The following HLA-DPB1 variants were observed in gnomAD, a reference collection of about 807,000 sequenced individuals.
HLA-DPB1 encodes major histocompatibility complex, class II, DP beta 1.
A neutral mutation model predicts 29.4 loss-of-function variants in HLA-DPB1; 30 were observed. The observed-to-expected ratio is 1.02, with a 90% CI of 0.76 to 1.38. HLA-DPB1 has a LOEUF of 1.38. HLA-DPB1 is among the 40% of genes most tolerant of loss of function. The probability of loss-of-function intolerance (pLI) is 0.00; values close to 1 mark genes in which losing one functional copy is unlikely to be tolerated. For missense variants in HLA-DPB1, 261 were observed against 327.5 expected (o/e 0.80, Z 1.57); for synonymous variants, 114 against 134.0 (o/e 0.85, Z 1.03).
intron 1 of HLA-DPB1, among the ~76,000 whole-genome samples, chr6:33,077,043 A>G (rs1006217139): frequency 2.0e-5 from 3 of 150,152 alleles, no homozygotes; most frequent in African/African-American, 7.3e-5. Context: ...TACATTAGGT[A>G]TATTTCCTAA....
At chr6:33,079,777 A>G in intron 1 of HLA-DPB1, 1 of 486,842 alleles carries the variant, frequency 2.1e-6, no homozygotes, top group Non-Finnish European at 4.1e-6. Flanking sequence ...CCAGAACTGC[A>G]AAGTCATCAT....
chr6:33,085,459 C>G (rs948601779), intron 3 of HLA-DPB1, among the ~76,000 whole-genome samples: 1 of 152,176 alleles, frequency 6.6e-6, no homozygotes, highest in African/African-American at 2.4e-5. Flanking sequence ...GTCAGAGAAT[C>G]TAGGGACACT....
At chr6:33,085,618 C>T (rs1763060890) in intron 3 of HLA-DPB1, among the ~76,000 whole-genome samples, 161 bp from the exon 4 acceptor site, 1 of 152,162 alleles carries the variant, frequency 6.6e-6, no homozygotes, top group African/African-American at 2.4e-5. Context: ...ACCCCTGTTC[C>T]AGATATGAGG....
intron 2 of HLA-DPB1, 72 bp downstream of exon 2, chr6:33,081,007 G>A (rs1562149906): frequency 2.3e-5 from 33 of 1,462,308 alleles, no homozygotes; most frequent in Non-Finnish European, 2.9e-5. Flanking sequence ...AGGAGCAGCC[G>A]GGTTGGCCTA....
Position 33,088,471 on chromosome 6 carries a change from A to G in HLA-DPB1, c.*1937A>G, listed in dbSNP as rs1763212016. ...AGGGAACTGAGGGTGTCAGGAGATGAGGAATGTCCCTGGAGTCACAGAAAG... is the reference window on the plus strand; with the variant it reads ...AGGGAACTGAGGGTGTCAGGAGATGGGGAATGTCCCTGGAGTCACAGAAAG... On this transcript the variant is annotated 3_prime_UTR_variant, in exon 6 of 6. Coordinates refer to ENST00000418931, the MANE Select transcript of HLA-DPB1 (RefSeq NM_002121.6). 6.6e-6 allele frequency among the ~76,000 whole-genome samples: 1 copy of G among 152,152 alleles called. No homozygotes were observed. Among genetic ancestry groups the G allele is most frequent in the Non-Finnish European group, 1.5e-5 (1 of 68,026 alleles).
chr6:33,082,188 G>A (rs73402069), intron 2 of HLA-DPB1: 18,526 of 152,124 alleles, frequency 0.12, 2,172 homozygotes, highest in African/African-American at 0.31. Context: ...GTTGAGAGAG[G>A]TGTTCAAATA....
chr6:33,085,822 TG>T lies in HLA-DPB1; in HGVS notation c.695del (p.Gly232AlafsTer32). 2 of 1,614,048 alleles carry T rather than the reference TG, an allele frequency of 1.2e-6. No individual in the cohort carries two copies. Among genetic ancestry groups the T allele is most frequent in the African/African-American group, 2.7e-5 (2 of 75,010 alleles). On this transcript the variant is annotated frameshift_variant, in exon 4 of 6. Coordinates refer to ENST00000418931, the MANE Select transcript of HLA-DPB1 (RefSeq NM_002121.6). LOFTEE classifies it high-confidence loss of function. Reference protein sequence around the residue: ...SARSKTLTGAGGFVLGLIICG... With the variant: ...SARSKTLTGAXGFVLGLIICG... ...CCCGGAGTAAGACATTGACGGGAGCTGGGGGCTTCGTGCTGGGGCTCATCAT... is the reference window on the plus strand; with the variant it reads ...CCCGGAGTAAGACATTGACGGGAGCTGGGGCTTCGTGCTGGGGCTCATCAT...
In HLA-DPB1 at chr6:33,087,770, G is replaced by A. The variant is rs1442895912; in HGVS notation, c.*1236G>A. On this transcript the variant is annotated 3_prime_UTR_variant, in exon 6 of 6. Transcript: ENST00000418931. ...GAGGTGGGGCTGAAGGCACAGACTT[G>A]GGCGTCACTGGCACAGATATAAGTA... Among the ~76,000 whole-genome samples, 4 of 152,174 alleles carry A rather than the reference G, an allele frequency of 2.6e-5. No homozygotes were observed. The highest frequency in any genetic ancestry group is 2.6e-4 in the Admixed American group (4 of 15,284).
chr6:33,081,097 G>A (rs1217901405), intron 2 of HLA-DPB1, 162 bp downstream of exon 2: 1 of 809,874 alleles, frequency 1.2e-6, no homozygotes, highest in Non-Finnish European at 1.9e-6. Flanking sequence ...TGTCAGGGGA[G>A]CGAGCGCGGG....
chr6:33,080,584 G>T lies in HLA-DPB1; in HGVS notation c.101-88G>T. On this transcript the variant is annotated intron_variant, in intron 1 of 5. Coordinates refer to ENST00000418931, the MANE Select transcript of HLA-DPB1 (RefSeq NM_002121.6). The surrounding 1 kb of genome is among the most constrained non-coding windows in gnomAD (Gnocchi z 4.3). ...AATCCAGCCCTGGGTGGGAAGATTTGGGAAGAATCGTTAATATTGAGAGAG... is the reference window on the plus strand; with the variant it reads ...AATCCAGCCCTGGGTGGGAAGATTTTGGAAGAATCGTTAATATTGAGAGAG... The T allele has an allele frequency of 6.3e-7, 1 of 1,581,214 alleles. No homozygotes were observed. The highest frequency in any genetic ancestry group is 8.7e-7 in the Non-Finnish European group (1 of 1,153,048).
Position 33,084,850 on chromosome 6 carries a change from AAGGAAGGAAGG to A in HLA-DPB1, c.365-98_365-88del, listed in dbSNP as rs1198300104. The A allele has an allele frequency of 1.6e-4, 39 of 249,192 alleles. 11 individuals carry two copies. In the African/African-American group the frequency reaches 3.3e-3, roughly 21 times the overall value. 15.4% of individuals were successfully genotyped at this position (249,192 alleles called of 1,614,324 possible). ...AAGAGCGAGATTATGTCTCAAAAAA[AAGGAAGGAAGG>A]AAGGAAGGAAGGAAGGAAGGAAGGA... On this transcript the variant is annotated intron_variant, in intron 2 of 5. Coordinates refer to ENST00000418931, the MANE Select transcript of HLA-DPB1 (RefSeq NM_002121.6).
chr6:33,081,683 T>C (rs1762874281), intron 2 of HLA-DPB1, among the ~76,000 whole-genome samples: 1 of 151,888 alleles, frequency 6.6e-6, no homozygotes, highest in African/African-American at 2.4e-5. Flanking sequence ...CGGCAGGAGC[T>C]GGAATGGGAG....
At chr6:33,085,978 G>A (rs1763079904) in intron 4 of HLA-DPB1, 89 bp downstream of exon 4, 2 of 927,542 alleles carry the variant, frequency 2.2e-6, no homozygotes, top group Non-Finnish European at 3.3e-6. Flanking sequence ...GAAAAGAAAT[G>A]TCAGAAAGCT....
rs1350763771 is a variant in HLA-DPB1 at position 33,086,582 on chromosome 6, C to G, written c.*48C>G. On this transcript the variant is annotated 3_prime_UTR_variant, in exon 6 of 6. Transcript: ENST00000418931. ...AAAGACTATTGTGCCTTAGGAAAAG[C>G]ATTTGCTGTGTTTCGTTAGCATCTG... is the stretch of plus-strand genomic sequence containing the variant. 3.4e-6 allele frequency: 2 copies of G among 580,078 alleles called. No individual in the cohort carries two copies. The highest frequency in any genetic ancestry group is 6.6e-6 in the Non-Finnish European group (2 of 304,750). The allele number at this position is 580,078 out of a possible 1,614,324, so 35.9% of individuals were successfully genotyped here.
Position 33,085,814 on chromosome 6 carries a change from A to G in HLA-DPB1, c.682A>G (p.Thr228Ala). The G allele has an allele frequency of 6.2e-7, 1 of 1,614,018 alleles. No homozygotes were observed. Among genetic ancestry groups the G allele is most frequent in the South Asian group, 1.1e-5 (1 of 91,064 alleles). The change falls in exon 4 of 6, where the codon ACG (threonine) becomes GCG (alanine). Residue 228 changes from threonine to alanine, a missense_variant. Coordinates refer to ENST00000418931, the MANE Select transcript of HLA-DPB1 (RefSeq NM_002121.6). ...TGATTCTGCCCGGAGTAAGACATTG[A>G]CGGGAGCTGGGGGCTTCGTGCTGGG... is the stretch of plus-strand genomic sequence containing the variant. ...QSDSARSKTL[T>A]GAGGFVLGLI... is the part of the protein sequence containing the mutation.
rs1023597820 is a variant in HLA-DPB1 at position 33,080,490 on chromosome 6, C to T, written c.101-182C>T. The T allele has an allele frequency of 3.7e-6, 3 of 820,858 alleles. No individual in the cohort carries two copies. The East Asian group carries it at 8.0e-5, about 22-fold the overall frequency. 50.8% of individuals were successfully genotyped at this position (820,858 alleles called of 1,614,324 possible). Reference sequence around the variant, plus strand: ...ATTCTCTCTCTGCGTGGTGAGAAAACAGGCCTGGAGAGGCTCTGCGACCCG... The same window carrying T: ...ATTCTCTCTCTGCGTGGTGAGAAAATAGGCCTGGAGAGGCTCTGCGACCCG... On this transcript the variant is annotated intron_variant, in intron 1 of 5. Transcript: ENST00000418931. The surrounding 1 kb of genome is among the most constrained non-coding windows in gnomAD (Gnocchi z 4.3).
At chr6:33,085,662 T>C in intron 3 of HLA-DPB1, 117 bp from the exon 4 acceptor site, 1 of 757,024 alleles carries the variant, frequency 1.3e-6, no homozygotes, top group South Asian at 1.5e-5. Flanking sequence ...TAGCAAGCTT[T>C]TTCCGCTGCA....
Position 33,085,909 on chromosome 6 carries a change from G to A in HLA-DPB1, c.757+20G>A, listed in dbSNP as rs1371497637. ...AGAAAGGTGAGAAAGCCTGCAGGGT[G>A]AGCGGGACTTACCTTCCCCTGGCAT... On this transcript the variant is annotated intron_variant, in intron 4 of 5. Transcript: ENST00000418931. 3 of 1,496,500 alleles carry A rather than the reference G, an allele frequency of 2.0e-6. No homozygotes were observed. Among genetic ancestry groups the A allele is most frequent in the South Asian group, 1.2e-5 (1 of 86,794 alleles). The allele number at this position is 1,496,500 out of a possible 1,614,324, so 92.7% of individuals were successfully genotyped here. A position where few individuals can be genotyped will look rare whatever the true frequency, so the allele number is the denominator to read the frequency against.
At chr6:33,082,016 A>T (rs1212509114) in intron 2 of HLA-DPB1, 4 of 152,144 alleles carry the variant, frequency 2.6e-5, no homozygotes, top group Non-Finnish European at 5.9e-5. Flanking sequence ...GAAAGAGGAA[A>T]AAAATGAAGG....
Sources: gnomAD v4.1 joint callset for allele counts (sites outside exome capture counted in the v4.1 genomes callset) on GRCh38, gnomAD v4.1.1 for gene constraint, Gnocchi (gnomAD v3.1) non-coding constraint, MANE v1.5 for transcripts, NCBI Gene and HGNC (gene_info 2026-07-23, HGNC 2026-07-21) for gene names.